The following TEX2 variants were observed in gnomAD, a reference collection of about 807,000 sequenced individuals.
TEX2 encodes testis expressed 2, also known as testis-expressed protein 2.
TEX2 carries 53 observed loss-of-function variants against 106.9 expected under a neutral mutation model. The observed-to-expected ratio is 0.50, with a 90% confidence interval of 0.40 to 0.62. TEX2 has a LOEUF of 0.62. TEX2 is among the 20% of genes least tolerant of loss of function. The probability of loss-of-function intolerance (pLI) is 0.00; values close to 1 mark genes in which losing one functional copy is unlikely to be tolerated. For missense variants in TEX2, 1,207 were observed against 1,379.0 expected, an observed-to-expected ratio of 0.88 and a Z score of 1.98; for synonymous variants, 523 against 534.8, an observed-to-expected ratio of 0.98 and a Z score of 0.30.
chr17:64,253,337 T>C (rs1234164206), intron 1 of TEX2, among the ~76,000 whole-genome samples: 1 of 149,906 alleles, frequency 6.7e-6, no homozygotes, highest in African/African-American at 2.4e-5. Context: ...TTCTTTCTTT[T>C]TTTTTTTTTT....
intron 1 of TEX2, among the ~76,000 whole-genome samples, chr17:64,249,396 G>A (rs17563780): frequency 0.067 from 10,242 of 152,180 alleles, 481 homozygotes; most frequent in Non-Finnish European, 0.11. Flanking sequence ...GGAGGCTAAT[G>A]GTTCAGTTCT....
chr17:64,258,060 C>T (rs1175294390), intron 1 of TEX2, among the ~76,000 whole-genome samples: 2 of 151,944 alleles, frequency 1.3e-5, no homozygotes, highest in African/African-American at 4.8e-5. Context: ...TACAGGTGCA[C>T]ACCACCACAC....
chr17:64,240,494 G>A (rs2033868030), intron 1 of TEX2, among the ~76,000 whole-genome samples: 1 of 152,184 alleles, frequency 6.6e-6, no homozygotes, highest in African/African-American at 2.4e-5. Context: ...GCCTGGTGCA[G>A]TAGAAAGAGT....
rs782459185 is a variant in TEX2 at position 64,213,537 on chromosome 17, C to A, written c.681G>T (p.Arg227=). ...LVKSLSTDTS[R]QESDTVSYKP... is the part of the protein sequence containing the mutation. ...TATAGGACACTGTATCCGACTCCTG[C>A]CGGGAAGTGTCCGTGGACAGAGACT... Residue 227 remains arginine (R), a synonymous_variant, in exon 2 of 12, where the codon CGG becomes CGT. Transcript: ENST00000584379. This position sits in a 1 kb window ranked among gnomAD's most constrained non-coding sequence, Gnocchi z 4.4. The A allele has an allele frequency of 1.1e-5, 17 of 1,613,974 alleles. No homozygotes were observed. The highest frequency in any genetic ancestry group is 1.4e-5 in the Non-Finnish European group (16 of 1,179,992).
At chr17:64,245,854 C>T (rs1479709973) in intron 1 of TEX2, among the ~76,000 whole-genome samples, 2 of 152,142 alleles carry the variant, frequency 1.3e-5, no homozygotes, top group African/African-American at 4.8e-5. Flanking sequence ...GCCATTACTG[C>T]CTCTGTATTT....
chr17:64,217,848 G>A lies in TEX2; in HGVS notation c.-25-3606C>T, dbSNP rs2033229307. Among the ~76,000 whole-genome samples, 2 of 152,210 alleles carry A rather than the reference G, an allele frequency of 1.3e-5. No individual in the cohort carries two copies. Among genetic ancestry groups the A allele is most frequent in the Non-Finnish European group, 2.9e-5 (2 of 68,028 alleles). ...AAGCCTTGTGATGGGAAGGAGAGCT[G>A]TAGCTCATGTTGTCGCCAGGCTCCC... On this transcript the variant is annotated intron_variant, in intron 1 of 11. Transcript: ENST00000584379. The surrounding 1 kb of genome is among the most constrained non-coding windows in gnomAD (Gnocchi z 4.3).
chr17:64,162,206 TAGAA>T (rs1490946489), intron 7 of TEX2, among the ~76,000 whole-genome samples: 13 of 152,364 alleles, frequency 8.5e-5, no homozygotes, highest in African/African-American at 7.2e-5. Context: ...ATTAAGCAGT[TAGAA>T]AGAATTAATT....
chr17:64,247,923 C>A (rs1308976638), intron 1 of TEX2, among the ~76,000 whole-genome samples: 2 of 152,308 alleles, frequency 1.3e-5, no homozygotes, highest in Non-Finnish European at 2.9e-5. Flanking sequence ...GAATTCATTA[C>A]ACTCTTTTGA....
intron 2 of TEX2, among the ~76,000 whole-genome samples, chr17:64,199,721 G>A (rs555601932): frequency 9.2e-5 from 14 of 152,284 alleles, no homozygotes; most frequent in African/African-American, 2.2e-4. Context: ...AATCCAGTGC[G>A]TACTTTACGC....
At chr17:64,168,666 A>G (rs2031250587) in intron 7 of TEX2, among the ~76,000 whole-genome samples, 1 of 152,212 alleles carries the variant, frequency 6.6e-6, no homozygotes, top group Non-Finnish European at 1.5e-5. Context: ...GGCAGTCCTG[A>G]GATAAGAGGC....
chr17:64,253,327 TTCTTTC>T (rs1192879966), intron 1 of TEX2, among the ~76,000 whole-genome samples: 12 of 60,488 alleles, frequency 2.0e-4, no homozygotes, highest in Admixed American at 2.0e-3. Flanking sequence ...CCTTCTTTCT[TTCTTTC>T]TTTTTTTTTT....
At chr17:64,232,830 C>T (rs2033687380) in intron 1 of TEX2, among the ~76,000 whole-genome samples, 1 of 152,192 alleles carries the variant, frequency 6.6e-6, no homozygotes. Flanking sequence ...TCTGTTAAGC[C>T]TTTTCAAATG....
intron 1 of TEX2, among the ~76,000 whole-genome samples, chr17:64,218,563 C>T (rs1315481910): frequency 2.6e-5 from 4 of 152,074 alleles, no homozygotes; most frequent in South Asian, 2.1e-4. Context: ...GGACTACAGA[C>T]GCCCGCCACC....
intron 1 of TEX2, among the ~76,000 whole-genome samples, chr17:64,237,572 G>T (rs1598215880): frequency 6.6e-6 from 1 of 152,314 alleles, no homozygotes; most frequent in East Asian, 1.9e-4. Context: ...GCCCGGACTA[G>T]CGGGGTGGCT....
chr17:64,248,182 A>G (rs1447382903), intron 1 of TEX2, among the ~76,000 whole-genome samples: 1 of 152,228 alleles, frequency 6.6e-6, no homozygotes, highest in Non-Finnish European at 1.5e-5. Context: ...AAACATACCT[A>G]AGTGCTTTAT....
rs542305069 is a variant in TEX2, at chr17:64,216,866, A to T, written c.-25-2624T>A. On this transcript the variant is annotated intron_variant, in intron 1 of 11. Transcript: ENST00000584379. ...AGAGCTGAAGGTGGGCCCCAGGGAG[A>T]GCTGGGTGTCAGGTGGCCAGATGGG... Among the ~76,000 whole-genome samples, 34 of 152,220 alleles carry T rather than the reference A, an allele frequency of 2.2e-4. 1 individual carries two copies. Among genetic ancestry groups the T allele is most frequent in the African/African-American group, 7.2e-4 (30 of 41,516 alleles).
chr17:64,152,224 A>G (rs931546923), intron 10 of TEX2, among the ~76,000 whole-genome samples: 4 of 152,222 alleles, frequency 2.6e-5, no homozygotes, highest in African/African-American at 9.6e-5. Flanking sequence ...TATAGGACTT[A>G]GCATGTCAAT....
At position 64,220,490 on chromosome 17, in the gene TEX2, G is replaced by A. The variant is rs2033326947; in HGVS notation, c.-25-6248C>T. Among the ~76,000 whole-genome samples the A allele has an allele frequency of 2.6e-5, 4 of 151,862 alleles. No homozygotes were observed. The South Asian group carries it at 8.3e-4, about 32-fold the overall frequency. ...AGGTCTAATATCCAGAATCTACAAG[G>A]AACCTAAACAAACGTACAAGAAAAA... On this transcript the variant is annotated intron_variant, in intron 1 of 11. Coordinates refer to ENST00000584379, the MANE Select transcript of TEX2 (RefSeq NM_001288732.2).
intron 10 of TEX2, among the ~76,000 whole-genome samples, chr17:64,152,305 C>A (rs2030396070): frequency 1.3e-5 from 2 of 152,206 alleles, no homozygotes; most frequent in Admixed American, 6.5e-5. Flanking sequence ...TCAACCCTGG[C>A]TTCATCACCC....
Sources: allele counts gnomAD v4.1 joint callset (sites outside exome capture counted in the v4.1 genomes callset), GRCh38; gene constraint gnomAD v4.1.1; non-coding constraint Gnocchi (gnomAD v3.1); transcripts MANE v1.5; gene names NCBI Gene and HGNC (gene_info 2026-07-23, HGNC 2026-07-21).